The following CACNA2D1 variants were observed in gnomAD, a reference collection of about 807,000 sequenced individuals.
The protein encoded by CACNA2D1 is voltage-dependent calcium channel subunit alpha-2/delta-1.
Under a neutral mutation model 171.5 loss-of-function variants are expected in CACNA2D1, and 53 were observed. The ratio of observed to expected loss-of-function variants is 0.31; its 90% CI spans 0.25 to 0.39. CACNA2D1 has a LOEUF of 0.39. CACNA2D1 is among the 10% of genes least tolerant of loss of function. The probability of loss-of-function intolerance (pLI) is 1.00; values close to 1 mark genes in which losing one functional copy is unlikely to be tolerated. For synonymous variants in CACNA2D1, 442 were observed against 443.1 expected, an observed-to-expected ratio of 1.00 and a Z score of 0.03; for missense variants, 903 against 1,299.8, an observed-to-expected ratio of 0.69 and a Z score of 4.69.
intron 1 of CACNA2D1, among the ~76,000 whole-genome samples, chr7:82,426,936 A>C (rs1288794589): frequency 2.0e-5 from 3 of 152,214 alleles, no homozygotes; most frequent in Non-Finnish European, 2.9e-5. Context: ...CTTTTATTAC[A>C]GTGTATTGTT....
chr7:82,393,042 G>A (rs901303846), intron 1 of CACNA2D1, among the ~76,000 whole-genome samples: 1 of 86,184 alleles, frequency 1.2e-5, no homozygotes. Context: ...AGGAAGGAAG[G>A]AAGGAAGGAA....
intron 3 of CACNA2D1, among the ~76,000 whole-genome samples, chr7:82,261,233 G>A (rs1463287743): frequency 1.3e-5 from 2 of 152,218 alleles, no homozygotes; most frequent in African/African-American, 4.8e-5. Context: ...GGGATTATAG[G>A]CATGGGCCGC....
At chr7:81,974,871 C>G (rs193189430) in intron 24 of CACNA2D1, among the ~76,000 whole-genome samples, 1 of 151,580 alleles carries the variant, frequency 6.6e-6, no homozygotes, top group Non-Finnish European at 1.5e-5. Flanking sequence ...CTTGGGGCAT[C>G]GGGGGCAAGG....
intron 1 of CACNA2D1, among the ~76,000 whole-genome samples, chr7:82,363,702 T>C (rs1450048467): frequency 2.1e-5 from 2 of 95,576 alleles, no homozygotes; most frequent in African/African-American, 5.5e-5. Context: ...AAATAAGTAG[T>C]AATGATAATA....
rs371467480 is a variant in CACNA2D1, at chr7:81,980,027, C to T, written c.1955+2540G>A. The stretch of plus-strand genomic sequence containing the variant: ...AAGCAGTCAGGAAGGATGCGTATAC[C>T]AGTGAAGAAAGGAAAGAAATCCCCA... On this transcript the variant is annotated intron_variant, in intron 24 of 38. Transcript: ENST00000356860. Among the ~76,000 whole-genome samples the T allele has an allele frequency of 4.6e-5, 7 of 151,124 alleles. No homozygotes were observed. The East Asian group carries it at 9.7e-4, about 21-fold the overall frequency.
chr7:82,196,269 G>A (rs1798843510), intron 3 of CACNA2D1, among the ~76,000 whole-genome samples: 1 of 152,038 alleles, frequency 6.6e-6, no homozygotes, highest in South Asian at 2.1e-4. Context: ...TAGCTTTGGG[G>A]CCTAGCCAAA....
At chr7:82,060,226 T>TA (rs1806663152) in intron 10 of CACNA2D1, among the ~76,000 whole-genome samples, 2 of 60,874 alleles carry the variant, frequency 3.3e-5, no homozygotes, top group Non-Finnish European at 6.5e-5. Context: ...ATATATAATA[T>TA]ATATATATAA....
intron 38 of CACNA2D1, among the ~76,000 whole-genome samples, chr7:81,956,816 C>CAGAGCATTAGAAAAGAA (rs1793427371): frequency 6.6e-6 from 1 of 151,838 alleles, no homozygotes; most frequent in South Asian, 2.1e-4. Context: ...ATGATGATTC[C>CAGAGCATTAGAAAAGAA]AGAGCATTAG....
At chr7:82,333,423 A>G (rs1817621813) in intron 3 of CACNA2D1, among the ~76,000 whole-genome samples, 1 of 152,122 alleles carries the variant, frequency 6.6e-6, no homozygotes, top group Non-Finnish European at 1.5e-5. Flanking sequence ...ACACTTCCAC[A>G]TGGCTGGGAA....
chr7:82,383,002 A>T (rs1585739828), intron 1 of CACNA2D1, among the ~76,000 whole-genome samples: 3 of 152,232 alleles, frequency 2.0e-5, no homozygotes, highest in South Asian at 4.2e-4. Context: ...TGGTATTGTG[A>T]TTTCTTCTAA....
chr7:82,073,583 T>C (rs1304426978), intron 7 of CACNA2D1, among the ~76,000 whole-genome samples: 2 of 152,080 alleles, frequency 1.3e-5, no homozygotes, highest in African/African-American at 2.4e-5. Flanking sequence ...AGTCTTCATA[T>C]GTTGGTATTT....
At chr7:81,981,109 T>C (rs927750090) in intron 24 of CACNA2D1, among the ~76,000 whole-genome samples, 6 of 152,166 alleles carry the variant, frequency 3.9e-5, no homozygotes, top group Non-Finnish European at 7.3e-5. Flanking sequence ...GGCCATCATA[T>C]AGATTTGGGA....
intron 1 of CACNA2D1, among the ~76,000 whole-genome samples, chr7:82,399,101 T>C (rs1014148426): frequency 6.6e-6 from 1 of 152,278 alleles, no homozygotes; most frequent in Non-Finnish European, 1.5e-5. Context: ...AGATGAAGTT[T>C]AAAGTCTCAT....
intron 3 of CACNA2D1, among the ~76,000 whole-genome samples, chr7:82,250,964 G>C (rs1349389680): frequency 6.6e-6 from 1 of 152,080 alleles, no homozygotes; most frequent in African/African-American, 2.4e-5. Context: ...AAAAATTAGA[G>C]AGTCTGTTGT....
At chr7:82,110,578 G>T (rs1171144276) in intron 6 of CACNA2D1, among the ~76,000 whole-genome samples, 1 of 152,168 alleles carries the variant, frequency 6.6e-6, no homozygotes, top group Non-Finnish European at 1.5e-5. Context: ...GGCTGTGGCT[G>T]ACATGGCGTC....
intron 38 of CACNA2D1, among the ~76,000 whole-genome samples, chr7:81,956,648 C>T (rs1214433043): frequency 6.6e-6 from 1 of 152,026 alleles, no homozygotes; most frequent in Non-Finnish European, 1.5e-5. Context: ...TTTTCTGAGA[C>T]TCCCTCTGCT....
intron 3 of CACNA2D1, among the ~76,000 whole-genome samples, chr7:82,231,978 C>T (rs559468587): frequency 9.5e-4 from 144 of 152,192 alleles, no homozygotes; most frequent in African/African-American, 3.4e-3. Flanking sequence ...ATACCCTACC[C>T]ACAATAAACT....
At chr7:82,217,469 G>A (rs925793959) in intron 3 of CACNA2D1, among the ~76,000 whole-genome samples, 2 of 132,260 alleles carry the variant, frequency 1.5e-5, no homozygotes, top group Non-Finnish European at 3.1e-5. Context: ...AAATTTCACG[G>A]CTATGTCCAA....
chr7:82,402,023 T>C (rs1826486376), intron 1 of CACNA2D1, among the ~76,000 whole-genome samples: 1 of 152,204 alleles, frequency 6.6e-6, no homozygotes, highest in Admixed American at 6.5e-5. Flanking sequence ...AAGGCTATCT[T>C]TTCCTAAAAA....
Sources: gnomAD v4.1 joint callset for allele counts (sites outside exome capture counted in the v4.1 genomes callset) on GRCh38, gnomAD v4.1.1 for gene constraint, MANE v1.5 for transcripts, NCBI Gene and HGNC (gene_info 2026-07-23, HGNC 2026-07-21) for gene names.